Variants in KCNQ5 observed in about 807,000 individuals in gnomAD.
KCNQ5 encodes potassium voltage-gated channel subfamily Q member 5.
In KCNQ5, 30 loss-of-function variants were observed where a neutral mutation model predicts 98.2. That is an observed-to-expected ratio of 0.31 (90% CI 0.23 to 0.41). The LOEUF is 0.41. Ranked by LOEUF, KCNQ5 falls within the 10% of genes least tolerant of loss-of-function variation. The pLI is 1.00. For synonymous variants in KCNQ5, 458 were observed against 449.4 expected (o/e 1.02, Z -0.24); for missense variants, 835 against 1,182.5 (o/e 0.71, Z 4.31).
intron 1 of KCNQ5, among the ~76,000 whole-genome samples, chr6:72,673,842 T>C (rs1767264719): frequency 6.6e-6 from 1 of 152,224 alleles, no homozygotes; most frequent in Non-Finnish European, 1.5e-5. Context: ...GATTGGACAA[T>C]AGAAGTTATT....
chr6:72,825,928 G>T (rs980940956), intron 1 of KCNQ5, among the ~76,000 whole-genome samples: 1 of 152,028 alleles, frequency 6.6e-6, no homozygotes, highest in Non-Finnish European at 1.5e-5. Context: ...AAGGATATTT[G>T]GGATCTAGAA....
At chr6:72,902,850 C>T (rs1203148807) in intron 1 of KCNQ5, among the ~76,000 whole-genome samples, 1 of 152,110 alleles carries the variant, frequency 6.6e-6, no homozygotes, top group African/African-American at 2.4e-5. Context: ...GTGATACTGG[C>T]TTCATAGAAT....
At position 72,692,849 on chromosome 6, in the gene KCNQ5, T is replaced by C. The variant is rs117608241; in HGVS notation, c.398+70262T>C. Among the ~76,000 whole-genome samples, 1,022 of 152,270 alleles carry C rather than the reference T, an allele frequency of 6.7e-3. 4 individuals carry two copies. Among genetic ancestry groups the C allele is most frequent in the South Asian group, 9.3e-3 (45 of 4,822 alleles). ...TAATATGGTGTAGGATTTATGAGAC[T>C]GGAAAAGTATGTAAAGACATACTGT... On this transcript the variant is annotated intron_variant, in intron 1 of 13. Transcript: ENST00000370398.
intron 1 of KCNQ5, among the ~76,000 whole-genome samples, chr6:72,982,487 C>CTTTTTTTTTTTTTTTTTTT (rs141947372): frequency 1.0e-4 from 6 of 60,292 alleles, no homozygotes; most frequent in African/African-American, 3.7e-4. Context: ...GCAACCCCTG[C>CTTTTTTTTTTTTTTTTTTT]TTTTTTTTTT....
intron 1 of KCNQ5, among the ~76,000 whole-genome samples, chr6:72,904,869 G>C (rs1244917883): frequency 6.6e-6 from 1 of 152,120 alleles, no homozygotes; most frequent in Non-Finnish European, 1.5e-5. Flanking sequence ...ATCTTTTTGT[G>C]ATGAATTTCC....
intron 1 of KCNQ5, among the ~76,000 whole-genome samples, chr6:72,898,117 G>C (rs776872765): frequency 6.6e-6 from 1 of 152,038 alleles, no homozygotes; most frequent in African/African-American, 2.4e-5. Context: ...AGGGGAAAAT[G>C]TCTGTATACA....
chr6:72,900,515 A>T (rs915829205), intron 1 of KCNQ5, among the ~76,000 whole-genome samples: 76 of 147,866 alleles, frequency 5.1e-4, no homozygotes, highest in South Asian at 2.7e-3. Flanking sequence ...ATATATATAT[A>T]TTTATATATA....
intron 2 of KCNQ5, among the ~76,000 whole-genome samples, chr6:73,018,370 T>C (rs1271522608): frequency 6.6e-6 from 1 of 152,052 alleles, no homozygotes; most frequent in Admixed American, 6.6e-5. Context: ...TGTGATGAGT[T>C]TGGGAAGCTT....
intron 1 of KCNQ5, among the ~76,000 whole-genome samples, chr6:72,947,548 G>A (rs1231133767): frequency 6.6e-6 from 1 of 152,082 alleles, no homozygotes; most frequent in African/African-American, 2.4e-5. Context: ...AATACCAATG[G>A]AAGTGTTGAA....
rs79891090 is a variant in KCNQ5, at chr6:73,127,332, A to G, written c.1247+2820A>G. On this transcript the variant is annotated intron_variant, in intron 9 of 13. Coordinates refer to ENST00000370398, the MANE Select transcript of KCNQ5 (RefSeq NM_019842.4). The stretch of plus-strand genomic sequence containing the variant: ...ACCACTGAGTTATTGATGGTGAGTC[A>G]GAAAGGCAGAGGAGACAAGCTTCAG... Among the ~76,000 whole-genome samples the G allele has an allele frequency of 9.7e-3, 1,472 of 152,352 alleles. 29 individuals carry two copies. The highest frequency in any genetic ancestry group is 0.034 in the African/African-American group (1,407 of 41,588).
At chr6:72,938,231 A>T (rs944284769) in intron 1 of KCNQ5, among the ~76,000 whole-genome samples, 1 of 152,178 alleles carries the variant, frequency 6.6e-6, no homozygotes, top group African/African-American at 2.4e-5. Context: ...AAAAAAATAG[A>T]TTCATGGTTG....
At chr6:73,161,337 G>A (rs1777608518) in intron 10 of KCNQ5, among the ~76,000 whole-genome samples, 1 of 152,240 alleles carries the variant, frequency 6.6e-6, no homozygotes. Context: ...GAATGGGAAT[G>A]AAGAGAGGTT....
chr6:72,624,700 G>A (rs2098917170), intron 1 of KCNQ5, among the ~76,000 whole-genome samples: 1 of 152,198 alleles, frequency 6.6e-6, no homozygotes, highest in African/African-American at 2.4e-5. Context: ...TAGCAAATGT[G>A]AAGTTTTGAT....
chr6:72,948,802 A>G (rs1005133327), intron 1 of KCNQ5, among the ~76,000 whole-genome samples: 2 of 152,186 alleles, frequency 1.3e-5, no homozygotes, highest in African/African-American at 4.8e-5. Context: ...AAGATTTTAC[A>G]TATGATGACT....
chr6:72,948,858 G>A (rs975294501), intron 1 of KCNQ5, among the ~76,000 whole-genome samples: 5 of 152,080 alleles, frequency 3.3e-5, no homozygotes, highest in Non-Finnish European at 7.4e-5. Flanking sequence ...TCTTAGGATA[G>A]GAGGGAAGCA....
chr6:73,055,007 T>G (rs1310156146), intron 3 of KCNQ5: 23 of 474,576 alleles, frequency 4.8e-5, no homozygotes, highest in Non-Finnish European at 8.2e-5. Context: ...GGATACAAAG[T>G]CAATGTACAA....
intron 6 of KCNQ5, 98 bp from the exon 7 acceptor site, chr6:73,111,210 T>G (rs1017338050): frequency 1.3e-4 from 103 of 791,224 alleles, no homozygotes; most frequent in Non-Finnish European, 2.2e-5. Flanking sequence ...TACATACCGT[T>G]TGTCTTCTCT....
chr6:72,766,898 T>A (rs1772602080), intron 1 of KCNQ5, among the ~76,000 whole-genome samples: 1 of 151,988 alleles, frequency 6.6e-6, no homozygotes, highest in Non-Finnish European at 1.5e-5. Flanking sequence ...TATATGTGTG[T>A]CATCACAGCA....
intron 1 of KCNQ5, among the ~76,000 whole-genome samples, chr6:72,789,383 C>G (rs370223314): frequency 1.3e-5 from 2 of 152,156 alleles, no homozygotes; most frequent in South Asian, 4.1e-4. Flanking sequence ...ACGATTGGCT[C>G]AAAGCCCTTC....
Sources: gnomAD v4.1 joint callset for allele counts (sites outside exome capture counted in the v4.1 genomes callset) on GRCh38, gnomAD v4.1.1 for gene constraint, MANE v1.5 for transcripts, NCBI Gene and HGNC (gene_info 2026-07-23, HGNC 2026-07-21) for gene names.